Variants in U2SURP observed in about 807,000 individuals in gnomAD.
The protein encoded by U2SURP is U2 snRNP associated SURP domain containing, also known as U2 snRNP-associated SURP motif-containing protein.
In U2SURP, 9 loss-of-function variants were observed where a neutral mutation model predicts 144.9. That is an observed-to-expected ratio of 0.06 (90% CI 0.04 to 0.11). U2SURP has a LOEUF of 0.11. Among genes scored for constraint, U2SURP ranks in the 10% least tolerant of loss-of-function variants. U2SURP has a pLI of 1.00. For synonymous variants in U2SURP, 408 were observed against 396.8 expected, an observed-to-expected ratio of 1.03 and a Z score of -0.33; for missense variants, 724 against 1,226.7, an observed-to-expected ratio of 0.59 and a Z score of 6.12.
chr3:143,002,197 A>C, intron 1 of U2SURP: 1 of 195,704 alleles, frequency 5.1e-6, no homozygotes, highest in Non-Finnish European at 1.0e-5. Context: ...GGAAATGCAG[A>C]GGCGGGAGCA....
chr3:143,007,295 T>C lies in U2SURP; in HGVS notation c.46-3520T>C, dbSNP rs577466852. Among the ~76,000 whole-genome samples, 11 of 152,056 alleles carry C rather than the reference T, an allele frequency of 7.2e-5. No individual in the cohort carries two copies. The South Asian group carries it at 2.3e-3, about 32-fold the overall frequency. ...GTATTTTTCTTTTCTTTTCTTTTTT[T>C]TTTTTTCCAGAGACAGGGGTTCTTG... On this transcript the variant is annotated intron_variant, in intron 1 of 27. Coordinates refer to ENST00000473835, the MANE Select transcript of U2SURP (RefSeq NM_001080415.2).
At chr3:143,007,258 CTT>C (rs1448560671) in intron 1 of U2SURP, among the ~76,000 whole-genome samples, 3 of 151,568 alleles carry the variant, frequency 2.0e-5, no homozygotes, top group Non-Finnish European at 4.4e-5. Flanking sequence ...TGCCTTTTCA[CTT>C]CTTCCTTTTG....
chr3:143,039,211 T>C (rs894405620), intron 23 of U2SURP, among the ~76,000 whole-genome samples: 1 of 151,926 alleles, frequency 6.6e-6, no homozygotes, highest in African/African-American at 2.4e-5. Context: ...AGTTACTAAT[T>C]GGTCAACTGC....
intron 16 of U2SURP, among the ~76,000 whole-genome samples, chr3:143,030,215 A>G (rs1269696908): frequency 6.6e-6 from 1 of 152,248 alleles, no homozygotes. Context: ...TTTTATAACT[A>G]GAGAGGGGAA....
At chr3:143,056,201 C>A in intron 27 of U2SURP, 111 bp from the exon 28 acceptor site, 1 of 1,105,078 alleles carries the variant, frequency 9.0e-7, no homozygotes, top group South Asian at 1.7e-5. Flanking sequence ...AGTCTTATTG[C>A]AGTGATTTTT....
intron 17 of U2SURP, 90 bp downstream of exon 17, chr3:143,033,036 TG>T (rs1933593845): frequency 7.1e-7 from 1 of 1,414,902 alleles, no homozygotes; most frequent in African/African-American, 1.4e-5. Context: ...ACTTGACTGA[TG>T]AGATTTTTCC....
chr3:143,020,106 A>G, intron 7 of U2SURP, 70 bp downstream of exon 7: 1 of 969,952 alleles, frequency 1.0e-6, no homozygotes, highest in Non-Finnish European at 1.5e-6. Context: ...ATGCAAGTAT[A>G]AAGAATATAC....
chr3:143,056,146 C>G (rs1247425353), intron 27 of U2SURP, among the ~76,000 whole-genome samples, 166 bp from the exon 28 acceptor site: 2 of 151,320 alleles, frequency 1.3e-5, no homozygotes, highest in African/African-American at 2.4e-5. Flanking sequence ...ACAAAATAAT[C>G]TGTGTGTGTG....
At chr3:143,046,413 G>A (rs1934460535) in intron 24 of U2SURP, among the ~76,000 whole-genome samples, 1 of 137,738 alleles carries the variant, frequency 7.3e-6, no homozygotes, top group Non-Finnish European at 1.6e-5. Flanking sequence ...GGGAAGGTCA[G>A]CAGATAAACA....
At chr3:143,017,495 TGTG>T (rs986208744) in intron 6 of U2SURP, 5 of 152,170 alleles carry the variant, frequency 3.3e-5, no homozygotes, top group South Asian at 2.1e-4. Flanking sequence ...TGGAACCAAA[TGTG>T]GTGAATAAAT....
intron 1 of U2SURP, among the ~76,000 whole-genome samples, chr3:143,006,960 A>G (rs896268386): frequency 6.6e-6 from 1 of 152,172 alleles, no homozygotes; most frequent in African/African-American, 2.4e-5. Context: ...TGTTGGAGGA[A>G]TGTTGCTGTG....
At chr3:143,014,601 T>C (rs1936270021) in intron 4 of U2SURP, among the ~76,000 whole-genome samples, 192 bp downstream of exon 4, 1 of 152,076 alleles carries the variant, frequency 6.6e-6, no homozygotes, top group Non-Finnish European at 1.5e-5. Flanking sequence ...TCACCCTGTT[T>C]CTTTTTTCTT....
chr3:143,014,930 T>C (rs1936291887), intron 4 of U2SURP, among the ~76,000 whole-genome samples: 1 of 152,080 alleles, frequency 6.6e-6, no homozygotes, highest in African/African-American at 2.4e-5. Flanking sequence ...ATATGTTTGG[T>C]TTTTTTGCTA....
intron 1 of U2SURP, among the ~76,000 whole-genome samples, chr3:143,009,468 C>T (rs945794772): frequency 6.6e-6 from 1 of 151,886 alleles, no homozygotes; most frequent in African/African-American, 2.4e-5. Context: ...CATGGTGGTG[C>T]GTGCCTGTAC....
chr3:143,027,654 G>A (rs536438515), intron 14 of U2SURP, among the ~76,000 whole-genome samples: 39 of 152,162 alleles, frequency 2.6e-4, no homozygotes, highest in Middle Eastern at 3.4e-3. Flanking sequence ...TCCATTATAT[G>A]TATTTACTAT....
intron 13 of U2SURP, chr3:143,024,457 T>G (rs1430536369): frequency 4.6e-6 from 2 of 433,976 alleles, no homozygotes; most frequent in East Asian, 1.5e-4. Context: ...CATAGCTTTG[T>G]TTTTTGTTTT....
At chr3:143,009,771 A>G (rs1022971955) in intron 1 of U2SURP, among the ~76,000 whole-genome samples, 1 of 152,174 alleles carries the variant, frequency 6.6e-6, no homozygotes, top group African/African-American at 2.4e-5. Context: ...ATGTCTGGAC[A>G]ATGTAAATAA....
At chr3:143,025,083 A>G (rs548774535) in intron 13 of U2SURP, among the ~76,000 whole-genome samples, 15 of 152,302 alleles carry the variant, frequency 9.8e-5, no homozygotes, top group African/African-American at 3.6e-4. Context: ...CTTGACATCA[A>G]GTTAATAACA....
intron 24 of U2SURP, 106 bp downstream of exon 24, chr3:143,043,382 C>G (rs570257978): frequency 3.8e-5 from 46 of 1,220,120 alleles, no homozygotes; most frequent in Admixed American, 1.6e-4. Flanking sequence ...TGTTCCTTCT[C>G]TCTGCTTAGA....
Sources: allele counts gnomAD v4.1 joint callset (sites outside exome capture counted in the v4.1 genomes callset), GRCh38; gene constraint gnomAD v4.1.1; transcripts MANE v1.5; gene names NCBI Gene and HGNC (gene_info 2026-07-23, HGNC 2026-07-21).